The following RBFOX3 variants were observed in gnomAD, a reference collection of about 807,000 sequenced individuals.
The protein encoded by RBFOX3 is RNA binding fox-1 homolog 3.
In RBFOX3, 17 loss-of-function variants were observed where a neutral mutation model predicts 48.7. The ratio of observed to expected loss-of-function variants is 0.35; its 90% CI spans 0.24 to 0.52. RBFOX3 has a LOEUF of 0.52. Among genes scored for constraint, RBFOX3 ranks in the 20% least tolerant of loss-of-function variants. The probability of loss-of-function intolerance (pLI) is 0.94; values close to 1 mark genes in which losing one functional copy is unlikely to be tolerated. For missense variants in RBFOX3, 382 were observed against 497.5 expected, an observed-to-expected ratio of 0.77 and a Z score of 2.21; for synonymous variants, 212 against 209.5, an observed-to-expected ratio of 1.01 and a Z score of -0.10.
At chr17:79,536,401 G>A (rs1305180969) in intron 1 of RBFOX3, among the ~76,000 whole-genome samples, 2 of 152,250 alleles carry the variant, frequency 1.3e-5, no homozygotes, top group Admixed American at 1.3e-4. Flanking sequence ...ACCATCAGAT[G>A]TGCCCTTGTC....
At chr17:79,296,668 TCCTCCTCCCCTC>T (rs2074389637) in intron 3 of RBFOX3, among the ~76,000 whole-genome samples, 1 of 151,146 alleles carries the variant, frequency 6.6e-6, no homozygotes, top group Non-Finnish European at 1.5e-5. Context: ...TCCCTCCTCT[TCCTCCTCCCCTC>T]CCTCCTCCCC....
intron 3 of RBFOX3, among the ~76,000 whole-genome samples, chr17:79,305,556 G>A (rs1234124724): frequency 2.0e-5 from 3 of 152,060 alleles, no homozygotes; most frequent in Non-Finnish European, 4.4e-5. Flanking sequence ...GGGCTCGGCC[G>A]CCCCCTCCAG....
chr17:79,278,907 G>A (rs1004994748), intron 3 of RBFOX3, among the ~76,000 whole-genome samples: 7 of 152,192 alleles, frequency 4.6e-5, no homozygotes, highest in South Asian at 2.1e-4. Flanking sequence ...GCCAGCAGCC[G>A]GTTCTGGTTG....
rs1299550165 is a variant in RBFOX3 at position 79,326,117 on chromosome 17, G to A, written c.-174-18293C>T. ...GAAATCAATTACATACTTCTGGGGC[G>A]GTTTCTTCCAGAGCATCACTGTCTG... On this transcript the variant is annotated intron_variant, in intron 2 of 14. Transcript: ENST00000693108. 9.2e-5 allele frequency among the ~76,000 whole-genome samples: 14 copies of A among 152,196 alleles called. No individual in the cohort carries two copies. The East Asian group carries it at 1.6e-3, about 17-fold the overall frequency.
intron 3 of RBFOX3, among the ~76,000 whole-genome samples, chr17:79,291,628 A>G (rs1452790574): frequency 1.3e-5 from 2 of 152,172 alleles, no homozygotes; most frequent in Non-Finnish European, 2.9e-5. Context: ...GCAGAGCCGG[A>G]ATGGCTCACT....
intron 4 of RBFOX3, among the ~76,000 whole-genome samples, chr17:79,140,878 C>T (rs958408230): frequency 6.6e-6 from 1 of 152,170 alleles, no homozygotes; most frequent in Non-Finnish European, 1.5e-5. Context: ...GAGCCAGATG[C>T]CATGCTGAGG....
chr17:79,547,286 A>C (rs1452172440), intron 1 of RBFOX3, among the ~76,000 whole-genome samples: 1 of 152,050 alleles, frequency 6.6e-6, no homozygotes, highest in African/African-American at 2.4e-5. Flanking sequence ...GTCTCTACTA[A>C]AACTACAAAA....
At chr17:79,422,467 G>T (rs1228435999) in intron 2 of RBFOX3, among the ~76,000 whole-genome samples, 1 of 152,116 alleles carries the variant, frequency 6.6e-6, no homozygotes, top group Non-Finnish European at 1.5e-5. Context: ...GCCGGCTGCT[G>T]CCCTCTGTGT....
At chr17:79,553,479 G>C (rs1212208335) in intron 1 of RBFOX3, among the ~76,000 whole-genome samples, 2 of 152,054 alleles carry the variant, frequency 1.3e-5, no homozygotes, top group African/African-American at 4.8e-5. Context: ...TCTCACTTTA[G>C]GAAAATTACT....
intron 1 of RBFOX3, among the ~76,000 whole-genome samples, chr17:79,563,066 G>C (rs892541625): frequency 9.8e-5 from 15 of 152,322 alleles, no homozygotes; most frequent in East Asian, 7.7e-4. Flanking sequence ...AGAGCGGGCG[G>C]GGGGAGCAAG....
intron 3 of RBFOX3, among the ~76,000 whole-genome samples, chr17:79,270,488 C>T (rs988583812): frequency 4.6e-5 from 7 of 152,256 alleles, no homozygotes; most frequent in African/African-American, 1.7e-4. Flanking sequence ...CTCCCCTTCT[C>T]CTGTACCCAG....
At chr17:79,261,592 G>A (rs953503930) in intron 3 of RBFOX3, among the ~76,000 whole-genome samples, 11 of 152,328 alleles carry the variant, frequency 7.2e-5, no homozygotes, top group East Asian at 3.9e-4. Context: ...TCAATGATGC[G>A]GCAGGTCTGG....
intron 4 of RBFOX3, among the ~76,000 whole-genome samples, chr17:79,143,005 G>T (rs552265897): frequency 7.2e-5 from 11 of 152,286 alleles, no homozygotes; most frequent in Non-Finnish European, 1.5e-4. Flanking sequence ...GGGACATCCT[G>T]GTGCACGGTG....
At chr17:79,639,089 A>G in the RBFOX3 span, among the ~76,000 whole-genome samples, 1 of 152,190 alleles carries the variant, frequency 6.6e-6, no homozygotes, top group Non-Finnish European at 1.5e-5. Flanking sequence ...CAATCAAAGA[A>G]CTAATACTAG....
At chr17:79,556,341 TAGAC>T (rs1487268737) in intron 1 of RBFOX3, among the ~76,000 whole-genome samples, 10,549 of 152,054 alleles carry the variant, frequency 0.069, 768 homozygotes, top group East Asian at 0.35. Flanking sequence ...TAAGGCAAAA[TAGAC>T]AGCAGTTCCA....
At position 79,204,277 on chromosome 17, in the gene RBFOX3, CG is replaced by C. The variant is rs1455867691; in HGVS notation, c.-34+31488del. Among the ~76,000 whole-genome samples the C allele has an allele frequency of 6.6e-6, 1 of 151,954 alleles. No individual in the cohort carries two copies. Among genetic ancestry groups the C allele is most frequent in the African/African-American group, 2.4e-5 (1 of 41,348 alleles). Reference sequence around the variant, plus strand: ...CCAGTGGATACACACCAGTGGACGCCGGGGAGCGGACACACACCAGCGGGCG... The same window carrying C: ...CCAGTGGATACACACCAGTGGACGCCGGGAGCGGACACACACCAGCGGGCG... On this transcript the variant is annotated intron_variant, in intron 4 of 14. Transcript: ENST00000693108. This position sits in a 1 kb window ranked among gnomAD's most constrained non-coding sequence, Gnocchi z 4.5.
At chr17:79,648,737 A>G in the RBFOX3 span, among the ~76,000 whole-genome samples, 1 of 152,138 alleles carries the variant, frequency 6.6e-6, no homozygotes, top group East Asian at 1.9e-4. Flanking sequence ...CTGCTCTCCA[A>G]ATGTCCCCAC....
chr17:79,211,027 A>G (rs7219922), intron 4 of RBFOX3, among the ~76,000 whole-genome samples: 138,490 of 151,864 alleles, frequency 0.91, 63,270 homozygotes, highest in East Asian at 1. Flanking sequence ...GGGGTGCGTG[A>G]CTCACATGTG....
At chr17:79,295,671 G>A (rs1254796530) in intron 3 of RBFOX3, among the ~76,000 whole-genome samples, 2 of 152,116 alleles carry the variant, frequency 1.3e-5, no homozygotes, top group Non-Finnish European at 2.9e-5. Context: ...ATCACACTTG[G>A]TTTCCTGTCC....
Sources: gnomAD v4.1 joint callset for allele counts (sites outside exome capture counted in the v4.1 genomes callset) on GRCh38, gnomAD v4.1.1 for gene constraint, Gnocchi (gnomAD v3.1) non-coding constraint, MANE v1.5 for transcripts, NCBI Gene and HGNC (gene_info 2026-07-23, HGNC 2026-07-21) for gene names.